PTK2B: variants seen among roughly 807,000 people sequenced by gnomAD.
The protein encoded by PTK2B is protein tyrosine kinase 2 beta.
A neutral mutation model predicts 142.9 loss-of-function variants in PTK2B; 71 were observed. The observed-to-expected ratio is 0.50, with a 90% CI of 0.41 to 0.61. The LOEUF is 0.61. Among genes scored for constraint, PTK2B ranks in the 20% least tolerant of loss-of-function variants. The pLI is 0.00. For missense variants in PTK2B, 1,105 were observed against 1,320.4 expected (o/e 0.84, Z 2.53); for synonymous variants, 519 against 503.4 (o/e 1.03, Z -0.42).
chr8:27,312,925 T>C (rs1320755238), intron 2 of PTK2B, among the ~76,000 whole-genome samples: 1 of 152,164 alleles, frequency 6.6e-6, no homozygotes, highest in Non-Finnish European at 1.5e-5. Context: ...CAGCAGTGAA[T>C]CTGTATGGGT....
At chr8:27,385,105 T>A (rs1429940) in intron 1 of PTK2B, among the ~76,000 whole-genome samples, 58,716 of 152,056 alleles carry the variant, frequency 0.39, 11,826 homozygotes, top group Middle Eastern at 0.5. Flanking sequence ...ACTCTGCTCA[T>A]CCTCGGAGAC....
intron 2 of PTK2B, among the ~76,000 whole-genome samples, chr8:27,401,117 T>C (rs67432684): frequency 0.43 from 65,584 of 151,924 alleles, 14,385 homozygotes; most frequent in Middle Eastern, 0.51. Flanking sequence ...CCAGCCCAGG[T>C]GACAGTGTGA....
chr8:27,372,578 A>G (rs1806426956), intron 1 of PTK2B, among the ~76,000 whole-genome samples: 1 of 152,154 alleles, frequency 6.6e-6, no homozygotes, highest in Non-Finnish European at 1.5e-5. Flanking sequence ...TCTCATGCAA[A>G]AGCACCCTGA....
chr8:27,365,110 A>G (rs1165917010), intron 1 of PTK2B, among the ~76,000 whole-genome samples: 1 of 152,178 alleles, frequency 6.6e-6, no homozygotes, highest in Non-Finnish European at 1.5e-5. Flanking sequence ...GGTCCAACTC[A>G]TATCCTGCCT....
rs74912436 is a variant in PTK2B at position 27,370,117 on chromosome 8, C to T, written c.-37-27431C>T. Among the ~76,000 whole-genome samples, 893 of 152,344 alleles carry T rather than the reference C, an allele frequency of 5.9e-3. 12 individuals carry two copies. Among genetic ancestry groups the T allele is most frequent in the African/African-American group, 0.021 (864 of 41,584 alleles). On this transcript the variant is annotated intron_variant, in intron 1 of 30. Transcript: ENST00000346049. ...TTGGGAGTTCAGGTAGGAGCCATAA[C>T]ACTCTGTGCAGTTTTCCTCGTACCT...
chr8:27,312,733 C>T (rs968681628), intron 2 of PTK2B, among the ~76,000 whole-genome samples: 17 of 152,172 alleles, frequency 1.1e-4, no homozygotes, highest in African/African-American at 2.9e-4. Context: ...GAAACCAGAA[C>T]CCCTTTTTCC....
intron 1 of PTK2B, among the ~76,000 whole-genome samples, chr8:27,386,940 C>T (rs1315408752): frequency 6.6e-6 from 1 of 151,174 alleles, no homozygotes; most frequent in African/African-American, 2.4e-5. Flanking sequence ...TAAAATATAC[C>T]TTAATCAAGT....
chr8:27,310,899 G>T, upstream of PTK2B: 2 of 1,612,912 alleles, frequency 1.2e-6, no homozygotes, highest in Non-Finnish European at 1.7e-6. Flanking sequence ...TTGTCCTCGA[G>T]GCAGAAGAGG....
chr8:27,365,307 C>A (rs879718691), intron 1 of PTK2B, among the ~76,000 whole-genome samples: 5 of 152,232 alleles, frequency 3.3e-5, no homozygotes, highest in African/African-American at 7.2e-5. Context: ...CGTCTGCCAA[C>A]CTGGTGGGTA....
intron 1 of PTK2B, among the ~76,000 whole-genome samples, chr8:27,382,892 A>G (rs762259626): frequency 6.6e-6 from 1 of 152,016 alleles, no homozygotes; most frequent in African/African-American, 2.4e-5. Context: ...TGGGTTCTCT[A>G]TTCTGTTTCA....
At chr8:27,316,438 A>G (rs1803097306) in intron 3 of PTK2B, among the ~76,000 whole-genome samples, 1 of 152,242 alleles carries the variant, frequency 6.6e-6, no homozygotes, top group Admixed American at 6.5e-5. Context: ...AGATTGAACT[A>G]ACAGGATGGA....
chr8:27,330,784 T>C (rs1417053758), intron 1 of PTK2B, among the ~76,000 whole-genome samples: 1 of 152,174 alleles, frequency 6.6e-6, no homozygotes, highest in Admixed American at 6.5e-5. Context: ...TTGGTGTGAA[T>C]GCAGAGTTTA....
rs1164572783 is a variant in PTK2B at position 27,425,051 on chromosome 8, C to T, written c.551+2668C>T. ...TGTAAAATAGGAATGATAATAGTAA[C>T]ATTATAGTCACGTTGTGTTACTATA... On this transcript the variant is annotated intron_variant, in intron 5 of 30. Transcript: ENST00000346049. Among the ~76,000 whole-genome samples, 3 of 151,298 alleles carry T rather than the reference C, an allele frequency of 2.0e-5. No homozygotes were observed. In the East Asian group the frequency reaches 5.8e-4, roughly 29 times the overall value.
At chr8:27,350,697 G>A (rs949534420) in intron 1 of PTK2B, among the ~76,000 whole-genome samples, 7 of 151,782 alleles carry the variant, frequency 4.6e-5, no homozygotes, top group African/African-American at 1.5e-4. Flanking sequence ...AGGTATTTGG[G>A]GCTGGGCAAG....
chr8:27,352,891 G>A (rs1164519621), intron 1 of PTK2B, among the ~76,000 whole-genome samples: 6 of 152,180 alleles, frequency 3.9e-5, no homozygotes, highest in Non-Finnish European at 7.3e-5. Context: ...TCTCAGTTAT[G>A]TCTTTATCAG....
chr8:27,430,748 G>A lies in PTK2B; in HGVS notation c.670-128G>A, dbSNP rs184216660. Reference sequence around the variant, plus strand: ...TATGGGTTTTAGGTCATAGATCACAGCTGCTTTTGGGGCAAAGGCCCTGGG... The same window carrying A: ...TATGGGTTTTAGGTCATAGATCACAACTGCTTTTGGGGCAAAGGCCCTGGG... On this transcript the variant is annotated intron_variant, in intron 7 of 30. Coordinates refer to ENST00000346049, the MANE Select transcript of PTK2B (RefSeq NM_173176.3). 2.5e-4 allele frequency: 337 copies of A among 1,333,622 alleles called. No individual in the cohort carries two copies. In the Middle Eastern group the frequency reaches 3.8e-3, roughly 15 times the overall value. 82.6% of individuals were successfully genotyped at this position (1,333,622 alleles called of 1,614,324 possible). A position where few individuals can be genotyped will look rare whatever the true frequency, so the allele number is the denominator to read the frequency against.
At position 27,458,474 on chromosome 8, in the gene PTK2B, G is replaced by A. The variant is rs750167755; in HGVS notation, c.2995G>A (p.Val999Ile). 6.3e-7 allele frequency: 1 copy of A among 1,593,498 alleles called. No individual in the cohort carries two copies. The highest frequency in any genetic ancestry group is 8.5e-7 in the Non-Finnish European group (1 of 1,170,266). Residue 999 changes from valine to isoleucine, a missense_variant, in exon 31 of 31, where the codon GTT becomes ATT. Transcript: ENST00000346049. ...NLLDAVDQAKVLANLAHPPAE is the reference protein window; with the variant it reads ...NLLDAVDQAKILANLAHPPAE ...GCTCGACGCTGTGGACCAGGCCAAG[G>A]TTCTGGCCAATCTGGCCCACCCACC... is the stretch of plus-strand genomic sequence containing the variant.
At chr8:27,351,860 C>T (rs1014970232) in intron 1 of PTK2B, among the ~76,000 whole-genome samples, 8 of 152,210 alleles carry the variant, frequency 5.3e-5, no homozygotes, top group Admixed American at 1.3e-4. Flanking sequence ...GTTTGACTTT[C>T]GTAACCCACT....
In PTK2B at chr8:27,430,998, C is replaced by A. The variant is rs745942272; in HGVS notation, c.792C>A (p.Thr264=). The A allele has an allele frequency of 6.2e-7, 1 of 1,614,026 alleles. No homozygotes were observed. ...LAGFANIDQE[T]YRCELIQGWN... ...GCTTCGCCAACATCGACCAGGAGACCTACCGCTGTGAACTCATTGTAATGG... is the reference window on the plus strand; with the variant it reads ...GCTTCGCCAACATCGACCAGGAGACATACCGCTGTGAACTCATTGTAATGG... The change falls in exon 8 of 31, where the codon ACC becomes ACA. Residue 264 remains threonine (T), a synonymous_variant. Transcript: ENST00000346049.
Sources: gnomAD v4.1 joint callset for allele counts (sites outside exome capture counted in the v4.1 genomes callset) on GRCh38, gnomAD v4.1.1 for gene constraint, MANE v1.5 for transcripts, NCBI Gene and HGNC (gene_info 2026-07-23, HGNC 2026-07-21) for gene names.